Variants in FRMPD4 observed in about 807,000 individuals in gnomAD.
FRMPD4 encodes FERM and PDZ domain-containing protein 4.
Under a neutral mutation model 94.1 loss-of-function variants are expected in FRMPD4, and 22 were observed. The observed-to-expected ratio is 0.23, with a 90% CI of 0.17 to 0.33. The LOEUF (loss-of-function observed/expected upper bound fraction) is 0.33. FRMPD4 is among the 10% of genes least tolerant of loss of function. The pLI is 1.00. For synonymous variants in FRMPD4, 631 were observed against 548.6 expected, an observed-to-expected ratio of 1.15 and a Z score of -2.10; for missense variants, 1,111 against 1,339.9, an observed-to-expected ratio of 0.83 and a Z score of 2.67.
intron 3 of FRMPD4, among the ~76,000 whole-genome samples, chrX:12,066,871 G>GTTTTTTTT (rs201251837): frequency 2.6e-3 from 263 of 100,005 alleles, no homozygotes; most frequent in East Asian, 5.7e-3. Context: ...TTTTGTTTTT[G>GTTTTTTTT]TTTTTGTTTT....
chrX:12,619,059 G>A (rs761536168), intron 4 of FRMPD4, among the ~76,000 whole-genome samples: 121 of 111,715 alleles, frequency 1.1e-3, no homozygotes, highest in Non-Finnish European at 2.0e-3. Context: ...CCCATAATAA[G>A]AAGGTACACT....
chrX:12,574,768 G>A (rs767641157), intron 2 of FRMPD4, among the ~76,000 whole-genome samples: 1 of 112,189 alleles, frequency 8.9e-6, no homozygotes, highest in East Asian at 2.8e-4. Flanking sequence ...AAAGTGCTGG[G>A]ATCTGAATGG....
intron 8 of FRMPD4, among the ~76,000 whole-genome samples, chrX:12,692,962 C>G (rs1303178801): frequency 1.8e-5 from 2 of 111,456 alleles, no homozygotes; most frequent in Admixed American, 1.9e-4. Context: ...GCCCATAGCC[C>G]TCAAGTCTCA....
intron 2 of FRMPD4, among the ~76,000 whole-genome samples, chrX:12,504,140 A>T (rs1170759170): frequency 1.8e-5 from 2 of 112,576 alleles, no homozygotes; most frequent in African/African-American, 6.5e-5. Flanking sequence ...CTCTGCTAAT[A>T]AAATGCTGCA....
chrX:12,053,811 C>A (rs1027873332), intron 3 of FRMPD4, among the ~76,000 whole-genome samples: 1 of 111,854 alleles, frequency 8.9e-6, no homozygotes, highest in Non-Finnish European at 1.9e-5. Flanking sequence ...TTTAATATAA[C>A]TTTTATGTGA....
At chrX:12,298,059 A>G (rs2054800527) in intron 1 of FRMPD4, among the ~76,000 whole-genome samples, 1 of 112,152 alleles carries the variant, frequency 8.9e-6, no homozygotes, top group African/African-American at 3.2e-5. Context: ...GAAGAGAGGA[A>G]AGTGCCTCTG....
chrX:12,013,193 C>G (rs750683906), intron 3 of FRMPD4, among the ~76,000 whole-genome samples: 77 of 111,961 alleles, frequency 6.9e-4, no homozygotes, highest in African/African-American at 2.5e-3. Flanking sequence ...CAATCACAAG[C>G]TTAGCATTGT....
At chrX:12,302,377 TTTA>T (rs1271905755) in intron 1 of FRMPD4, among the ~76,000 whole-genome samples, 2 of 112,164 alleles carry the variant, frequency 1.8e-5, no homozygotes, top group African/African-American at 3.2e-5. Flanking sequence ...CGTAATTTAT[TTTA>T]TTATTATTAT....
At chrX:12,029,946 A>G (rs1723539594) in intron 3 of FRMPD4, among the ~76,000 whole-genome samples, 2 of 111,695 alleles carry the variant, frequency 1.8e-5, no homozygotes, top group African/African-American at 3.3e-5. Flanking sequence ...AATTCAACAT[A>G]ACACATTCTG....
At chrX:12,262,388 G>T (rs747935095) in intron 1 of FRMPD4, among the ~76,000 whole-genome samples, 1 of 111,740 alleles carries the variant, frequency 8.9e-6, no homozygotes, top group Non-Finnish European at 1.9e-5. Flanking sequence ...GGGATTATGG[G>T]CATGAACCAC....
At chrX:12,442,889 T>C (rs1490812227) in intron 1 of FRMPD4, among the ~76,000 whole-genome samples, 1 of 112,193 alleles carries the variant, frequency 8.9e-6, no homozygotes, top group Non-Finnish European at 1.9e-5. Flanking sequence ...CAATGGAATA[T>C]TATTCAGCCA....
chrX:12,158,031 GA>G (rs756887767), intron 1 of FRMPD4, among the ~76,000 whole-genome samples: 1 of 111,827 alleles, frequency 8.9e-6, no homozygotes, highest in Non-Finnish European at 1.9e-5. Context: ...AAAGGAGGGG[GA>G]AAAAGGAAAC....
chrX:12,400,055 A>G (rs916831978), intron 1 of FRMPD4, among the ~76,000 whole-genome samples: 8 of 111,518 alleles, frequency 7.2e-5, no homozygotes, highest in Admixed American at 1.9e-4. Context: ...AACTCAATGC[A>G]AATATTTGCA....
intron 1 of FRMPD4, among the ~76,000 whole-genome samples, chrX:12,413,750 G>A (rs1438196093): frequency 8.9e-6 from 1 of 111,967 alleles, no homozygotes; most frequent in African/African-American, 3.2e-5. Context: ...GAACATTGTG[G>A]GGCAGCCTTT....
chrX:12,212,889 C>G (rs1263720682), intron 1 of FRMPD4, among the ~76,000 whole-genome samples: 1 of 111,605 alleles, frequency 9.0e-6, no homozygotes, highest in Non-Finnish European at 1.9e-5. Flanking sequence ...TTTTGTGCAT[C>G]AGTTCTTTGG....
At chrX:12,387,993 G>A (rs1386556699) in intron 1 of FRMPD4, among the ~76,000 whole-genome samples, 1 of 96,357 alleles carries the variant, frequency 1.0e-5, no homozygotes, top group African/African-American at 3.8e-5. Context: ...AAAAAAAAAA[G>A]TAGTATAGTT....
At chrX:12,616,797 T>TGCCA (rs2059240405) in intron 4 of FRMPD4, among the ~76,000 whole-genome samples, 1 of 112,455 alleles carries the variant, frequency 8.9e-6, no homozygotes, top group South Asian at 3.7e-4. Flanking sequence ...CATCCTGGAA[T>TGCCA]GCCATGTTTG....
chrX:12,246,097 G>A (rs959411807), intron 1 of FRMPD4, among the ~76,000 whole-genome samples: 2 of 111,382 alleles, frequency 1.8e-5, no homozygotes, highest in African/African-American at 6.5e-5. Flanking sequence ...CCCCTTTAGG[G>A]TTTTGCAAAC....
chrX:12,288,134 C>G (rs1328267218), intron 1 of FRMPD4, among the ~76,000 whole-genome samples: 1 of 111,928 alleles, frequency 8.9e-6, no homozygotes, highest in Non-Finnish European at 1.9e-5. Context: ...TGATTGGCTA[C>G]CATGAAGTCA....
Sources: gnomAD v4.1 joint callset for allele counts (sites outside exome capture counted in the v4.1 genomes callset) on GRCh38, gnomAD v4.1.1 for gene constraint, MANE v1.5 for transcripts, NCBI Gene and HGNC (gene_info 2026-07-23, HGNC 2026-07-21) for gene names.